The following SORCS1 variants were observed in gnomAD, a reference collection of about 807,000 sequenced individuals.
SORCS1 encodes the protein sortilin related VPS10 domain containing receptor 1.
In SORCS1, 60 loss-of-function variants were observed where a neutral mutation model predicts 146.1. The observed-to-expected ratio is 0.41, with a 90% CI of 0.33 to 0.51. The LOEUF is 0.51. Ranked by LOEUF, SORCS1 falls within the 20% of genes least tolerant of loss-of-function variation. The probability of loss-of-function intolerance (pLI) is 0.21; values close to 1 mark genes in which losing one functional copy is unlikely to be tolerated. For synonymous variants in SORCS1, 637 were observed against 584.0 expected, an observed-to-expected ratio of 1.09 and a Z score of -1.31; for missense variants, 1,352 against 1,487.6, an observed-to-expected ratio of 0.91 and a Z score of 1.50.
Position 107,027,980 on chromosome 10 carries a change from TG to T in SORCS1, c.559-71401del, listed in dbSNP as rs1246692526. On this transcript the variant is annotated intron_variant, in intron 1 of 25. Transcript: ENST00000263054. ...CCTCAAAATATGTATGGTGAATGAG[TG>T]AAAGAATGAATGAATGAGTTTTGGT... Among the ~76,000 whole-genome samples, 68 of 152,094 alleles carry T rather than the reference TG, an allele frequency of 4.5e-4. 1 individual carries two copies. The highest frequency in any genetic ancestry group is 1.6e-3 in the African/African-American group (68 of 41,408).
the SORCS1 span, among the ~76,000 whole-genome samples, chr10:107,174,556 T>C: frequency 2.6e-5 from 4 of 152,308 alleles, no homozygotes; most frequent in East Asian, 5.8e-4. Context: ...TTTGGTGGCA[T>C]TGTGACTATG....
rs868286135 is a variant in SORCS1, at chr10:106,961,541, A to G, written c.559-4961T>C. On this transcript the variant is annotated intron_variant, in intron 1 of 25. Transcript: ENST00000263054. Reference sequence around the variant, plus strand: ...ACATAGCGTCTTCCTCTCTTCATTTACTAAAGAATTCACCCCACAGAAAGT... The same window carrying G: ...ACATAGCGTCTTCCTCTCTTCATTTGCTAAAGAATTCACCCCACAGAAAGT... 4.6e-5 allele frequency among the ~76,000 whole-genome samples: 7 copies of G among 152,342 alleles called. No individual in the cohort carries two copies. In the South Asian group the frequency reaches 1.4e-3, roughly 32 times the overall value.
At chr10:106,746,100 A>T (rs2136142065) in intron 5 of SORCS1, among the ~76,000 whole-genome samples, 1 of 152,332 alleles carries the variant, frequency 6.6e-6, no homozygotes, top group South Asian at 2.1e-4. Flanking sequence ...GACTAAAAAG[A>T]CATGAAAAAT....
chr10:106,722,120 TACAC>T (rs140882766), intron 6 of SORCS1, among the ~76,000 whole-genome samples: 13 of 144,356 alleles, frequency 9.0e-5, no homozygotes, highest in East Asian at 6.0e-4. Context: ...AATATATAAA[TACAC>T]ACACACACAC....
intron 1 of SORCS1, among the ~76,000 whole-genome samples, chr10:107,050,616 T>C (rs1010693024): frequency 6.6e-6 from 1 of 152,192 alleles, no homozygotes; most frequent in African/African-American, 2.4e-5. Context: ...GTATAGAATT[T>C]AATATGCCAC....
intron 1 of SORCS1, among the ~76,000 whole-genome samples, chr10:107,088,475 G>C (rs1180295247): frequency 3.9e-5 from 6 of 152,184 alleles, no homozygotes; most frequent in Non-Finnish European, 8.8e-5. Context: ...TCTGTCTGAT[G>C]TCTGTGACTG....
chr10:107,026,689 AAG>A (rs1958421600), intron 1 of SORCS1, among the ~76,000 whole-genome samples: 1 of 152,030 alleles, frequency 6.6e-6, no homozygotes, highest in Non-Finnish European at 1.5e-5. Flanking sequence ...AAAAAGATAA[AAG>A]AGGAGAGCAA....
intron 5 of SORCS1, among the ~76,000 whole-genome samples, chr10:106,738,608 G>A (rs902026268): frequency 7.2e-5 from 11 of 152,206 alleles, no homozygotes; most frequent in African/African-American, 2.4e-4. Flanking sequence ...ACAGAAGACA[G>A]GGAGAAGAGA....
intron 1 of SORCS1, among the ~76,000 whole-genome samples, chr10:107,054,532 GT>G (rs1351763097): frequency 6.6e-6 from 1 of 152,164 alleles, no homozygotes; most frequent in African/African-American, 2.4e-5. Flanking sequence ...AAGAAGGAAA[GT>G]CTGGCTGGAA....
At chr10:106,592,100 A>G (rs1387768967) in intron 24 of SORCS1, among the ~76,000 whole-genome samples, 1 of 152,068 alleles carries the variant, frequency 6.6e-6, no homozygotes, top group Non-Finnish European at 1.5e-5. Flanking sequence ...CCCTCCCTCA[A>G]CCTTCTGGAT....
chr10:107,080,435 A>G (rs972786982), intron 1 of SORCS1, among the ~76,000 whole-genome samples: 1 of 152,146 alleles, frequency 6.6e-6, no homozygotes, highest in Non-Finnish European at 1.5e-5. Context: ...ATTTAAAGAC[A>G]ATTTTTGTCC....
intron 1 of SORCS1, among the ~76,000 whole-genome samples, chr10:107,085,821 G>C (rs965357726): frequency 6.6e-6 from 1 of 152,172 alleles, no homozygotes; most frequent in Admixed American, 6.5e-5. Context: ...AGTAGACAAT[G>C]AGCATTTTGT....
intron 1 of SORCS1, among the ~76,000 whole-genome samples, chr10:106,961,051 C>G (rs1379886586): frequency 6.6e-6 from 1 of 152,118 alleles, no homozygotes; most frequent in Non-Finnish European, 1.5e-5. Context: ...CCCTTCTAGC[C>G]CCAACCTCTT....
Position 106,679,403 on chromosome 10 carries a change from G to A in SORCS1, c.1664-71C>T, listed in dbSNP as rs923436612. On this transcript the variant is annotated intron_variant, in intron 11 of 25. Coordinates refer to ENST00000263054, the MANE Select transcript of SORCS1 (RefSeq NM_052918.5). ...GCAACAATGGACTATATTGGCAGGT[G>A]CACTGCCTGAGAAAGATTTTGACTG... 2.3e-5 allele frequency: 29 copies of A among 1,263,734 alleles called. No homozygotes were observed. The African/African-American group carries it at 2.9e-4, about 13-fold the overall frequency. 78.3% of individuals were successfully genotyped at this position (1,263,734 alleles called of 1,614,324 possible). A position where few individuals can be genotyped will look rare whatever the true frequency, so the allele number is the denominator to read the frequency against.
chr10:106,653,920 G>A (rs1850075353), intron 17 of SORCS1, among the ~76,000 whole-genome samples: 1 of 152,138 alleles, frequency 6.6e-6, no homozygotes, highest in Non-Finnish European at 1.5e-5. Flanking sequence ...TAGGATAGCT[G>A]TAAATTCTGT....
chr10:106,830,904 A>C (rs542851836), intron 2 of SORCS1, among the ~76,000 whole-genome samples: 1 of 150,988 alleles, frequency 6.6e-6, no homozygotes, highest in Non-Finnish European at 1.5e-5. Flanking sequence ...TCAAAACAAA[A>C]CAAAAAAAGG....
the SORCS1 span, among the ~76,000 whole-genome samples, chr10:107,175,524 G>T: frequency 3.9e-5 from 6 of 152,098 alleles, no homozygotes; most frequent in African/African-American, 1.4e-4. Flanking sequence ...TGCAACCTCT[G>T]CCTCCCAGGT....
At chr10:107,075,425 G>C (rs7088216) in intron 1 of SORCS1, among the ~76,000 whole-genome samples, 2,057 of 152,194 alleles carry the variant, frequency 0.014, 46 homozygotes, top group African/African-American at 0.047. Flanking sequence ...CCTCTTCTGT[G>C]AAGTTGACAT....
At chr10:106,647,469 A>G (rs942309707) in intron 18 of SORCS1, among the ~76,000 whole-genome samples, 22 of 151,960 alleles carry the variant, frequency 1.4e-4, no homozygotes, top group African/African-American at 5.1e-4. Context: ...ACTCACCCTA[A>G]CTCTAGTGAA....
Sources: allele counts gnomAD v4.1 joint callset (sites outside exome capture counted in the v4.1 genomes callset), GRCh38; gene constraint gnomAD v4.1.1; transcripts MANE v1.5; gene names NCBI Gene and HGNC (gene_info 2026-07-23, HGNC 2026-07-21).